The following KLHL13 variants were observed in gnomAD, a reference collection of about 807,000 sequenced individuals.
The protein encoded by KLHL13 is kelch like family member 13.
In KLHL13, 10 loss-of-function variants were observed where a neutral mutation model predicts 37.1. The ratio of observed to expected loss-of-function variants is 0.27; its 90% CI spans 0.17 to 0.46. The LOEUF (loss-of-function observed/expected upper bound fraction) is 0.46. KLHL13 is among the 20% of genes least tolerant of loss of function. The pLI is 1.00. For synonymous variants in KLHL13, 163 were observed against 181.2 expected (o/e 0.90, Z 0.81); for missense variants, 360 against 509.3 (o/e 0.71, Z 2.82).
chrX:117,928,060 A>G (rs1295447728), intron 2 of KLHL13, among the ~76,000 whole-genome samples: 1 of 112,416 alleles, frequency 8.9e-6, no homozygotes, highest in African/African-American at 3.2e-5. Context: ...GCATGACTAC[A>G]ATACCAAACA....
rs374772614 is a variant in KLHL13 at position 117,984,327 on chromosome X, TAATATAA to T, written c.-55-38759_-55-38753del. 9.2e-3 allele frequency among the ~76,000 whole-genome samples: 1,028 copies of T among 111,813 alleles called. 9 individuals carry two copies. The highest frequency in any genetic ancestry group is 0.031 in the African/African-American group (960 of 30,827). ...ATGCTGGCAAATGTTTGATGAGCTC[TAATATAA>T]AATTTCATTTATTTCCATTTATTTC... On this transcript the variant is annotated intron_variant, in intron 1 of 6. Transcript: ENST00000371882.
At chrX:118,117,329 A>G (rs1374506989), upstream of KLHL13, 2 of 111,549 alleles carry the variant, frequency 1.8e-5, no homozygotes, top group Non-Finnish European at 1.9e-5. Context: ...TCACACAAAT[A>G]TCACTCTTCT....
chrX:118,062,382 C>T (rs1284333497), intron 1 of KLHL13, among the ~76,000 whole-genome samples: 4 of 110,485 alleles, frequency 3.6e-5, no homozygotes, highest in Admixed American at 1.9e-4. Flanking sequence ...TTTATTCTAA[C>T]ATTTTTATGT....
At chrX:118,003,900 T>A (rs763590445) in intron 1 of KLHL13, among the ~76,000 whole-genome samples, 2 of 110,117 alleles carry the variant, frequency 1.8e-5, no homozygotes, top group African/African-American at 6.6e-5. Context: ...AGACTCTTTG[T>A]GGGGCTTGAG....
chrX:117,976,248 C>T (rs2053596355), upstream of KLHL13, among the ~76,000 whole-genome samples: 1 of 112,024 alleles, frequency 8.9e-6, no homozygotes, highest in Admixed American at 9.5e-5. Flanking sequence ...TATTAAGTCA[C>T]TTATAATTAC....
At chrX:117,920,620 C>CT (rs1364675931) in intron 2 of KLHL13, among the ~76,000 whole-genome samples, 1 of 111,934 alleles carries the variant, frequency 8.9e-6, no homozygotes, top group Non-Finnish European at 1.9e-5. Context: ...AAAGTATATA[C>CT]TTTTGCTTAT....
At chrX:118,096,490 T>A (rs994453329) in intron 1 of KLHL13, among the ~76,000 whole-genome samples, 1 of 111,654 alleles carries the variant, frequency 9.0e-6, no homozygotes, top group African/African-American at 3.3e-5. Flanking sequence ...AGACAAATTC[T>A]ACCAGAGGTA....
At chrX:118,027,089 G>A (rs1445007704) in intron 1 of KLHL13, among the ~76,000 whole-genome samples, 1 of 111,674 alleles carries the variant, frequency 9.0e-6, no homozygotes, top group Non-Finnish European at 1.9e-5. Flanking sequence ...GGATGATCAA[G>A]ACGTTTTGCT....
intron 1 of KLHL13, among the ~76,000 whole-genome samples, chrX:118,074,275 GA>G (rs760417001): frequency 8.9e-6 from 1 of 111,831 alleles, no homozygotes; most frequent in Non-Finnish European, 1.9e-5. Flanking sequence ...TGTAGGTTGA[GA>G]AAAAACTGGT....
chrX:118,014,734 C>G lies in KLHL13; in HGVS notation c.-55-69159G>C, dbSNP rs918015452. On this transcript the variant is annotated intron_variant, in intron 1 of 6. Transcript: ENST00000371882. ...TACTCTGTCTCTTTATTTCTGAGACCAGCTGACACTTAGGGAAAATAGAAA... is the reference window on the plus strand; with the variant it reads ...TACTCTGTCTCTTTATTTCTGAGACGAGCTGACACTTAGGGAAAATAGAAA... Among the ~76,000 whole-genome samples, 20 of 112,108 alleles carry G rather than the reference C, an allele frequency of 1.8e-4. 1 individual carries two copies. The highest frequency in any genetic ancestry group is 1.7e-3 in the Admixed American group (18 of 10,604).
chrX:118,102,511 A>G (rs1053157402), intron 1 of KLHL13, among the ~76,000 whole-genome samples: 1 of 112,378 alleles, frequency 8.9e-6, no homozygotes, highest in African/African-American at 3.2e-5. Context: ...AGAAAAGAAC[A>G]AAGAGAGTGC....
intron 1 of KLHL13, among the ~76,000 whole-genome samples, chrX:118,012,796 A>G (rs1050640334): frequency 1.8e-5 from 2 of 111,296 alleles, no homozygotes; most frequent in Admixed American, 9.6e-5. Context: ...TAAGTGAATC[A>G]TTAAATTAAC....
At chrX:118,082,339 T>C (rs758962266) in intron 1 of KLHL13, among the ~76,000 whole-genome samples, 1 of 111,900 alleles carries the variant, frequency 8.9e-6, no homozygotes, top group South Asian at 3.8e-4. Context: ...GGTTCTGATT[T>C]GCATTTCTCT....
chrX:117,902,166 G>GT (rs1350333498), intron 5 of KLHL13, among the ~76,000 whole-genome samples: 1 of 110,938 alleles, frequency 9.0e-6, no homozygotes, highest in Admixed American at 9.6e-5. Flanking sequence ...ACTAGATAGT[G>GT]TAAGAATCTA....
intron 1 of KLHL13, among the ~76,000 whole-genome samples, chrX:117,994,036 T>G (rs1334911541): frequency 4.5e-5 from 5 of 111,091 alleles, no homozygotes; most frequent in Non-Finnish European, 7.6e-5. Flanking sequence ...ACGCCCGGCC[T>G]GCTGCATTTA....
intron 1 of KLHL13, among the ~76,000 whole-genome samples, chrX:118,100,136 TTC>T (rs1249141157): frequency 1.8e-5 from 2 of 108,683 alleles, no homozygotes; most frequent in Non-Finnish European, 3.8e-5. Context: ...CTTATTGTTC[TTC>T]TTATTTTTGC....
chrX:118,079,294 C>T (rs760808593), intron 1 of KLHL13, among the ~76,000 whole-genome samples: 116 of 109,603 alleles, frequency 1.1e-3, no homozygotes, highest in African/African-American at 3.7e-3. Flanking sequence ...CTAGCCAGAG[C>T]AATCATGAAA....
intron 1 of KLHL13, among the ~76,000 whole-genome samples, chrX:118,056,821 G>A (rs2148084352): frequency 8.9e-6 from 1 of 111,824 alleles, no homozygotes; most frequent in African/African-American, 3.2e-5. Flanking sequence ...TAAAAATGGG[G>A]AGCCAATACC....
At position 118,089,610 on chromosome X, in the gene KLHL13, GAGAAAGAA is replaced by G. The variant is rs1293741265; in HGVS notation, c.-56+26890_-56+26897del. ...GAAAAGAGAGAGAGAGAGAGAGAGA[GAGAAAGAA>G]AGAGAAAGAAAGAAAGAAAGAAAGA... On this transcript the variant is annotated intron_variant, in intron 1 of 6. Coordinates refer to the KLHL13 transcript ENST00000371882. Among the ~76,000 whole-genome samples, 99 of 57,535 alleles carry G rather than the reference GAGAAAGAA, an allele frequency of 1.7e-3. 1 individual carries two copies. Among genetic ancestry groups the G allele is most frequent in the Admixed American group, 4.9e-3 (23 of 4,676 alleles). 50.0% of individuals were successfully genotyped at this position (57,535 alleles called of 115,157 possible). A position where few individuals can be genotyped will look rare whatever the true frequency, so the allele number is the denominator to read the frequency against.
Sources: allele counts gnomAD v4.1 joint callset (sites outside exome capture counted in the v4.1 genomes callset), GRCh38; gene constraint gnomAD v4.1.1; transcripts MANE v1.5; gene names NCBI Gene and HGNC (gene_info 2026-07-23, HGNC 2026-07-21).